The following PGM5 variants were observed in gnomAD, a reference collection of about 807,000 sequenced individuals.
PGM5 encodes phosphoglucomutase-like protein 5.
A neutral mutation model predicts 59.2 loss-of-function variants in PGM5; 23 were observed. The observed-to-expected ratio is 0.39, with a 90% confidence interval of 0.28 to 0.55. PGM5 has a LOEUF of 0.55. Among genes scored for constraint, PGM5 ranks in the 20% least tolerant of loss-of-function variants. PGM5 has a pLI of 0.66. For synonymous variants in PGM5, 214 were observed against 286.0 expected, an observed-to-expected ratio of 0.75 and a Z score of 2.54; for missense variants, 574 against 748.3, an observed-to-expected ratio of 0.77 and a Z score of 2.72.
chr9:68,384,300 T>C (rs1330828960), intron 2 of PGM5, 98 bp from the exon 3 acceptor site: 2 of 781,128 alleles, frequency 2.6e-6, no homozygotes, highest in East Asian at 4.9e-5. Flanking sequence ...AGAGAACAAA[T>C]GAATCTTTTT....
chr9:68,503,141 A>C (rs1254858977), intron 10 of PGM5, among the ~76,000 whole-genome samples: 1 of 152,194 alleles, frequency 6.6e-6, no homozygotes, highest in African/African-American at 2.4e-5. Context: ...CCAGAAATAA[A>C]GTATAGAGCC....
chr9:68,507,704 C>T (rs544068545), intron 10 of PGM5, among the ~76,000 whole-genome samples: 4 of 151,262 alleles, frequency 2.6e-5, no homozygotes, highest in South Asian at 2.1e-4. Context: ...GCTCTTGGGG[C>T]GGAATTAAAC....
chr9:68,480,818 G>T (rs944294486), intron 8 of PGM5, among the ~76,000 whole-genome samples: 1 of 152,186 alleles, frequency 6.6e-6, no homozygotes, highest in Admixed American at 6.5e-5. Context: ...AGGGTTGGGG[G>T]TCTATATCAC....
At chr9:68,467,909 A>AT (rs1192425784) in intron 7 of PGM5, among the ~76,000 whole-genome samples, 1 of 151,868 alleles carries the variant, frequency 6.6e-6, no homozygotes. Context: ...ATTGTAGTGG[A>AT]TTTTTTTTCC....
At chr9:68,495,319 A>G (rs1391818327) in intron 9 of PGM5, among the ~76,000 whole-genome samples, 1 of 152,224 alleles carries the variant, frequency 6.6e-6, no homozygotes. Flanking sequence ...ACAGAAGAAG[A>G]AAAATTTATA....
chr9:68,409,198 T>G (rs1554681411), intron 6 of PGM5, among the ~76,000 whole-genome samples: 1 of 147,706 alleles, frequency 6.8e-6, no homozygotes, highest in Non-Finnish European at 1.5e-5. Context: ...CCAGTTAGAA[T>G]GGCAATCATT....
At chr9:68,476,116 G>C (rs781966528) in intron 7 of PGM5, among the ~76,000 whole-genome samples, 6 of 152,054 alleles carry the variant, frequency 3.9e-5, no homozygotes, top group Non-Finnish European at 7.4e-5. Flanking sequence ...AAAATAGCTG[G>C]GTCGAAAGCT....
chr9:68,516,727 G>A (rs1270934292), intron 10 of PGM5, among the ~76,000 whole-genome samples: 2 of 152,190 alleles, frequency 1.3e-5, no homozygotes, highest in African/African-American at 4.8e-5. Flanking sequence ...GCCAAAGTGG[G>A]CCTGGGGTCT....
chr9:68,439,458 T>C (rs1324983665), intron 6 of PGM5, among the ~76,000 whole-genome samples: 1 of 146,370 alleles, frequency 6.8e-6, no homozygotes, highest in Non-Finnish European at 1.5e-5. Context: ...ATGTAAAATA[T>C]ATATATATTC....
chr9:68,450,154 A>G (rs1554684254), intron 6 of PGM5, among the ~76,000 whole-genome samples: 2 of 152,244 alleles, frequency 1.3e-5, no homozygotes, highest in Admixed American at 1.3e-4. Context: ...GAATAGAGAT[A>G]TACAATTGCA....
chr9:68,524,821 A>G (rs1254621453), intron 10 of PGM5, among the ~76,000 whole-genome samples: 1 of 152,236 alleles, frequency 6.6e-6, no homozygotes, highest in Non-Finnish European at 1.5e-5. Context: ...TGGAAAATGC[A>G]GTAGAGGAGC....
At chr9:68,469,655 T>G (rs1409354950) in intron 7 of PGM5, among the ~76,000 whole-genome samples, 1 of 152,232 alleles carries the variant, frequency 6.6e-6, no homozygotes, top group Non-Finnish European at 1.5e-5. Context: ...ATGCATGGAT[T>G]CCATGCCAAT....
intron 6 of PGM5, among the ~76,000 whole-genome samples, chr9:68,417,281 C>T (rs1386715644): frequency 1.3e-5 from 2 of 152,106 alleles, no homozygotes; most frequent in African/African-American, 4.8e-5. Flanking sequence ...TTTGGAGGTC[C>T]CTTCATTGAC....
At chr9:68,502,802 G>C (rs1257833453) in intron 10 of PGM5, among the ~76,000 whole-genome samples, 1 of 152,124 alleles carries the variant, frequency 6.6e-6, no homozygotes, top group Non-Finnish European at 1.5e-5. Context: ...GGATTCTCCT[G>C]CCTCAGCCCC....
chr9:68,428,299 T>C (rs1554682814), intron 6 of PGM5, among the ~76,000 whole-genome samples: 1 of 152,242 alleles, frequency 6.6e-6, no homozygotes, highest in East Asian at 1.9e-4. Flanking sequence ...GTTTCAAATG[T>C]CCCCAGGGAG....
intron 10 of PGM5, among the ~76,000 whole-genome samples, chr9:68,527,326 T>A (rs1285646913): frequency 6.6e-6 from 1 of 152,250 alleles, no homozygotes; most frequent in African/African-American, 2.4e-5. Context: ...TATATGTTTA[T>A]CTTTATTCAC....
intron 6 of PGM5, among the ~76,000 whole-genome samples, chr9:68,420,299 A>G (rs1823106306): frequency 1.3e-5 from 2 of 152,162 alleles, no homozygotes; most frequent in South Asian, 4.1e-4. Context: ...AGTAGGTCAC[A>G]TCTGAAGAAA....
At chr9:68,419,137 T>C (rs1182512815) in intron 6 of PGM5, among the ~76,000 whole-genome samples, 3 of 152,308 alleles carry the variant, frequency 2.0e-5, no homozygotes, top group African/African-American at 7.2e-5. Flanking sequence ...TAACACACAA[T>C]TGATCTCAAT....
At chr9:68,366,432 G>T (rs1834679697) in intron 1 of PGM5, among the ~76,000 whole-genome samples, 1 of 152,224 alleles carries the variant, frequency 6.6e-6, no homozygotes. Context: ...AGCAATGACT[G>T]GAATATTGTG....
Sources: allele counts gnomAD v4.1 joint callset (sites outside exome capture counted in the v4.1 genomes callset), GRCh38; gene constraint gnomAD v4.1.1; transcripts MANE v1.5; gene names NCBI Gene and HGNC (gene_info 2026-07-23, HGNC 2026-07-21).